TNK2: variants seen among roughly 807,000 people sequenced by gnomAD.
TNK2 encodes the protein activated CDC42 kinase 1.
TNK2 carries 83 observed loss-of-function variants against 101.8 expected under a neutral mutation model. That is an observed-to-expected ratio of 0.82 (90% CI 0.68 to 0.98). The LOEUF (loss-of-function observed/expected upper bound fraction) is 0.98, where lower values mean the gene tolerates loss of function less well. Ranked by LOEUF, TNK2 falls within the 50% of genes least tolerant of loss-of-function variation. TNK2 has a pLI of 0.00. For missense variants in TNK2, 1,665 were observed against 1,483.2 expected, an observed-to-expected ratio of 1.12 and a Z score of -2.01; for synonymous variants, 804 against 633.0, an observed-to-expected ratio of 1.27 and a Z score of -4.06.
chr3:195,877,078 C>A (rs1300112301), intron 9 of TNK2, among the ~76,000 whole-genome samples: 1 of 152,136 alleles, frequency 6.6e-6, no homozygotes, highest in East Asian at 1.9e-4. Context: ...GGGACCCCCC[C>A]ACCCTTAATC....
At chr3:195,866,765 G>C in intron 15 of TNK2, 124 bp downstream of exon 15, 1 of 1,388,182 alleles carries the variant, frequency 7.2e-7, no homozygotes, top group Non-Finnish European at 9.6e-7. Context: ...CCCTCCCGCA[G>C]CTGGAGAGCT....
intron 1 of TNK2, among the ~76,000 whole-genome samples, chr3:195,890,851 G>T (rs190642022): frequency 6.6e-6 from 1 of 152,136 alleles, no homozygotes; most frequent in African/African-American, 2.4e-5. Context: ...GTCAGTGAAG[G>T]CAACCCCCTC....
chr3:195,872,832 G>A (rs1560492023), intron 9 of TNK2: 3 of 227,132 alleles, frequency 1.3e-5, no homozygotes, highest in Non-Finnish European at 1.7e-5. Context: ...TGGGGCCAGC[G>A]CCCCGCCCAC....
intron 1 of TNK2, among the ~76,000 whole-genome samples, chr3:195,889,868 C>T (rs186209346): frequency 7.1e-4 from 108 of 152,278 alleles, no homozygotes; most frequent in East Asian, 5.8e-3. Flanking sequence ...GAGGAACAGG[C>T]GAGAGAAAAA....
chr3:195,881,826 AG>A (rs1384350748), intron 6 of TNK2, among the ~76,000 whole-genome samples: 1 of 152,036 alleles, frequency 6.6e-6, no homozygotes, highest in East Asian at 1.9e-4. Context: ...AGAGTCCCAC[AG>A]CATGTATCCC....
chr3:195,865,411 C>T (rs3893768), intron 15 of TNK2, among the ~76,000 whole-genome samples: 18,921 of 146,588 alleles, frequency 0.13, 1,444 homozygotes, highest in Non-Finnish European at 0.16. Context: ...GCCTGCGTCC[C>T]GGGTGCAAAT....
intron 1 of TNK2, among the ~76,000 whole-genome samples, chr3:195,891,250 T>C (rs1049017907): frequency 3.3e-5 from 5 of 151,878 alleles, no homozygotes; most frequent in African/African-American, 7.3e-5. Context: ...CTACTGAAAA[T>C]AGAAAATTAG....
chr3:195,863,963 C>A lies in TNK2; in HGVS notation c.*218G>T. 1.8e-6 allele frequency: 1 copy of A among 556,708 alleles called. No homozygotes were observed. Among genetic ancestry groups the A allele is most frequent in the African/African-American group, 1.9e-5 (1 of 53,248 alleles). The allele number at this position is 556,708 out of a possible 1,614,324, so 34.5% of individuals were successfully genotyped here. A position where few individuals can be genotyped will look rare whatever the true frequency, so the allele number is the denominator to read the frequency against. On this transcript the variant is annotated 3_prime_UTR_variant, in exon 16 of 16. Coordinates refer to ENST00000672887, the MANE Select transcript of TNK2 (RefSeq NM_001382273.1). ...GGCCCCTTCCACATCTTGGCAGGGG[C>A]ACCGGGACTGAACCAAAGTGTGCAG...
At chr3:195,901,361 G>A (rs1480082067) in intron 1 of TNK2, among the ~76,000 whole-genome samples, 1 of 152,146 alleles carries the variant, frequency 6.6e-6, no homozygotes, top group African/African-American at 2.4e-5. Context: ...CCAAGGTCAG[G>A]GTACCAGAGA....
At position 195,867,925 on chromosome 3, in the gene TNK2, G is replaced by C. The variant is rs747859711; in HGVS notation, c.2373C>G (p.Pro791=). ...TSQWPGPASP[P]RVPPREPLSP... is the part of the protein sequence containing the mutation. The stretch of plus-strand genomic sequence containing the variant: ...ACAGGGGCTCCCGCGGAGGCACCCG[G>C]GGAGGGGAAGCAGGTCCAGGCCACT... Residue 791 remains proline (P), a synonymous_variant, in exon 13 of 16, where the codon CCC becomes CCG. Coordinates refer to ENST00000672887, the MANE Select transcript of TNK2 (RefSeq NM_001382273.1). 3 of 1,534,772 alleles carry C rather than the reference G, an allele frequency of 2.0e-6. No homozygotes were observed. The Admixed American group carries it at 7.0e-5, about 36-fold the overall frequency.
chr3:195,884,496 A>G, intron 4 of TNK2: 1 of 260,806 alleles, frequency 3.8e-6, no homozygotes, highest in Non-Finnish European at 7.2e-6. Flanking sequence ...TACAAAAATT[A>G]ACTGAGTGTG....
intron 15 of TNK2, among the ~76,000 whole-genome samples, chr3:195,864,794 T>A (rs1382350832): frequency 9.1e-6 from 1 of 109,540 alleles, no homozygotes; most frequent in East Asian, 3.0e-4. Context: ...CCCGAGACAG[T>A]GACAGACAGG....
rs62283332 is a variant in TNK2 at position 195,878,354 on chromosome 3, G to A, written c.1162-7C>T. ...GCATGTCTGTGGGCTGGGCCTGGAG[G>A]AAGAGGAAGGTCGTGGCCAACTCTG... On this transcript the variant is annotated splice_polypyrimidine_tract_variant and splice_region_variant and intron_variant, in intron 8 of 15. Transcript: ENST00000672887. The surrounding 1 kb of genome is among the most constrained non-coding windows in gnomAD (Gnocchi z 4.7). 1.2e-6 allele frequency: 2 copies of A among 1,614,046 alleles called. No individual in the cohort carries two copies. The highest frequency in any genetic ancestry group is 1.7e-6 in the Non-Finnish European group (2 of 1,179,972).
chr3:195,891,988 C>T (rs1758670185), intron 1 of TNK2: 6 of 1,004,590 alleles, frequency 6.0e-6, no homozygotes, highest in Non-Finnish European at 7.1e-6. Flanking sequence ...TGTGGGAGGA[C>T]GGGAAGGAAC....
chr3:195,870,503 C>G, intron 10 of TNK2: 1 of 920,042 alleles, frequency 1.1e-6, no homozygotes, highest in Non-Finnish European at 1.5e-6. Context: ...CCAGCCCACA[C>G]CAGGCAGCGG....
Position 195,882,408 on chromosome 3 carries a change from C to A in TNK2, c.610-80G>T, listed in dbSNP as rs1304248054. On this transcript the variant is annotated intron_variant, in intron 5 of 15. Coordinates refer to ENST00000672887, the MANE Select transcript of TNK2 (RefSeq NM_001382273.1). This position sits in a 1 kb window ranked among gnomAD's most constrained non-coding sequence, Gnocchi z 4.2. Reference sequence around the variant, plus strand: ...GCAGCCCACGCTGGGCCCCCAGTCCCCTTCCTGAAGGCTTTCCAGAGCCAG... The same window carrying A: ...GCAGCCCACGCTGGGCCCCCAGTCCACTTCCTGAAGGCTTTCCAGAGCCAG... The A allele has an allele frequency of 1.3e-6, 2 of 1,583,592 alleles. No homozygotes were observed. The highest frequency in any genetic ancestry group is 1.7e-4 in the Middle Eastern group (1 of 5,910).
chr3:195,899,420 G>A (rs1334361975), intron 1 of TNK2, among the ~76,000 whole-genome samples: 2 of 151,860 alleles, frequency 1.3e-5, no homozygotes, highest in Non-Finnish European at 2.9e-5. Flanking sequence ...TCTGCCTCCC[G>A]GGTTTAAGCG....
At position 195,883,169 on chromosome 3, in the gene TNK2, C is replaced by A. The variant is rs148060819; in HGVS notation, c.597G>T (p.Pro199=). The part of the protein sequence containing the change: ...LIRLYGVVLT[P]PMKMVTELAP... ...CCGCAGTACTCACCATCTTCATGGG[C>A]GGCGTGAGCACCACCCCGTAGAGGC... Residue 199 remains proline, a synonymous_variant, in exon 5 of 16, where the codon CCG becomes CCT. Coordinates refer to ENST00000672887, the MANE Select transcript of TNK2 (RefSeq NM_001382273.1). The A allele has an allele frequency of 1.2e-6, 2 of 1,604,882 alleles. No individual in the cohort carries two copies. Among genetic ancestry groups the A allele is most frequent in the Non-Finnish European group, 1.7e-6 (2 of 1,179,462 alleles).
Position 195,867,755 on chromosome 3 carries a change from A to G in TNK2, c.2543T>C (p.Ile848Thr). Residue 848 changes from isoleucine (I) to threonine (T), a missense_variant, in exon 13 of 16, where the codon ATC becomes ACC. Around this residue, in one of 3 missense-constraint regions of TNK2, gnomAD observed 1,136 missense variants for 894.9 expected, o/e 1.27. Coordinates refer to ENST00000672887, the MANE Select transcript of TNK2 (RefSeq NM_001382273.1). ...SDPKYATPQVIQAPGPRAGPC... is the reference protein window; with the variant it reads ...SDPKYATPQVTQAPGPRAGPC... ...ACCAGCCCGCGGGCCAGGGGCCTGG[A>G]TCACCTGGGGGGTGGCGTACTTGGG... 1 of 1,595,366 alleles carries G rather than the reference A, an allele frequency of 6.3e-7. No homozygotes were observed. The highest frequency in any genetic ancestry group is 1.1e-5 in the South Asian group (1 of 89,000).
Sources: allele counts gnomAD v4.1 joint callset (sites outside exome capture counted in the v4.1 genomes callset), GRCh38; gene constraint gnomAD v4.1.1; regional missense constraint gnomAD v4.1.1; non-coding constraint Gnocchi (gnomAD v3.1); transcripts MANE v1.5; gene names NCBI Gene and HGNC (gene_info 2026-07-23, HGNC 2026-07-21).